Variants in DSCAML1 observed in about 807,000 individuals in gnomAD.
The protein encoded by DSCAML1 is DS cell adhesion molecule like 1, also known as cell adhesion molecule DSCAML1.
DSCAML1 carries 38 observed loss-of-function variants against 200.5 expected under a neutral mutation model. That is an observed-to-expected ratio of 0.19 (90% CI 0.15 to 0.25). The LOEUF is 0.25. DSCAML1 is among the 10% of genes least tolerant of loss of function. The pLI, the probability that DSCAML1 is intolerant of heterozygous loss-of-function variation, is 1.00. For synonymous variants in DSCAML1, 1,215 were observed against 1,165.0 expected (o/e 1.04, Z -0.87); for missense variants, 2,223 against 2,858.8 (o/e 0.78, Z 5.07).
chr11:117,476,940 C>A (rs1046151550), intron 14 of DSCAML1, among the ~76,000 whole-genome samples: 2 of 152,138 alleles, frequency 1.3e-5, no homozygotes, highest in African/African-American at 2.4e-5. Flanking sequence ...AGCAGAGACA[C>A]AGGACAGGAA....
rs112386672 is a variant in DSCAML1 at position 117,571,098 on chromosome 11, C to T, written c.512-38576G>A. On this transcript the variant is annotated intron_variant, in intron 3 of 32. Coordinates refer to ENST00000651296, the MANE Select transcript of DSCAML1 (RefSeq NM_020693.4). ...TGAAACTCAAACCTCATTATGGAGA[C>T]GAGCAGAGCCCTGGTGGGGACGATG... Among the ~76,000 whole-genome samples the T allele has an allele frequency of 2.8e-3, 433 of 152,318 alleles. 2 individuals are homozygous for T. The highest frequency in any genetic ancestry group is 9.6e-3 in the African/African-American group (401 of 41,584).
At chr11:117,734,174 C>T (rs2137824621) in intron 3 of DSCAML1, among the ~76,000 whole-genome samples, 1 of 152,360 alleles carries the variant, frequency 6.6e-6, no homozygotes, top group Admixed American at 6.5e-5. Context: ...TCTTTGGTCA[C>T]TCCTCTTTTC....
intron 14 of DSCAML1, among the ~76,000 whole-genome samples, chr11:117,476,076 T>A (rs1417700112): frequency 1.3e-5 from 2 of 152,206 alleles, no homozygotes; most frequent in African/African-American, 4.8e-5. Flanking sequence ...ATATTCCCTT[T>A]CATATGAGCC....
chr11:117,700,481 A>C (rs1010500686), intron 3 of DSCAML1, among the ~76,000 whole-genome samples: 2 of 152,206 alleles, frequency 1.3e-5, no homozygotes, highest in African/African-American at 4.8e-5. Context: ...AAGCCCAGCC[A>C]GTTCGAACCC....
At chr11:117,678,703 G>T (rs948440744) in intron 3 of DSCAML1, among the ~76,000 whole-genome samples, 4 of 151,960 alleles carry the variant, frequency 2.6e-5, no homozygotes, top group African/African-American at 9.7e-5. Context: ...AAGTTCCAAG[G>T]CCAGGGGCCA....
chr11:117,638,134 A>G (rs1279430544), intron 3 of DSCAML1, among the ~76,000 whole-genome samples: 6 of 152,040 alleles, frequency 3.9e-5, no homozygotes, highest in Non-Finnish European at 5.9e-5. Context: ...CTCCAGGGGG[A>G]GACCTCAAAC....
chr11:117,429,986 C>G (rs1472318714), intron 32 of DSCAML1, among the ~76,000 whole-genome samples: 1 of 152,190 alleles, frequency 6.6e-6, no homozygotes, highest in Non-Finnish European at 1.5e-5. Context: ...TTGTTCCAGG[C>G]TCTTCTTTCC....
intron 3 of DSCAML1, chr11:117,709,861 A>T (rs2053815774): frequency 6.8e-6 from 3 of 442,918 alleles, no homozygotes; most frequent in Non-Finnish European, 1.4e-5. Context: ...CCTGAAGATA[A>T]GACTGGCCAT....
intron 3 of DSCAML1, among the ~76,000 whole-genome samples, chr11:117,609,022 AC>A (rs1565823574): frequency 2.0e-4 from 23 of 113,882 alleles, no homozygotes; most frequent in African/African-American, 7.8e-4. Context: ...AAACAAACAA[AC>A]AAACAAACAA....
At chr11:117,540,194 G>A (rs12270633) in intron 3 of DSCAML1, among the ~76,000 whole-genome samples, 2,609 of 152,280 alleles carry the variant, frequency 0.017, 70 homozygotes, top group African/African-American at 0.058. Context: ...GTACCTGTTC[G>A]TGGCCTGTTA....
chr11:117,577,359 C>G (rs1035545471), intron 3 of DSCAML1, among the ~76,000 whole-genome samples: 9 of 152,148 alleles, frequency 5.9e-5, no homozygotes, highest in African/African-American at 2.2e-4. Context: ...CATTTAGGAA[C>G]TATGTAGCCA....
chr11:117,697,860 C>T (rs1048063638), intron 3 of DSCAML1, among the ~76,000 whole-genome samples: 8 of 151,962 alleles, frequency 5.3e-5, no homozygotes, highest in African/African-American at 1.9e-4. Context: ...CAACCTCCAC[C>T]TCCCAGGTTC....
chr11:117,639,666 G>A (rs1213529063), intron 3 of DSCAML1, among the ~76,000 whole-genome samples: 1 of 152,182 alleles, frequency 6.6e-6, no homozygotes, highest in Non-Finnish European at 1.5e-5. Flanking sequence ...GGAGGATGCA[G>A]ACGGTAGGCT....
intron 14 of DSCAML1, among the ~76,000 whole-genome samples, chr11:117,473,138 C>G (rs888152017): frequency 6.6e-6 from 1 of 152,098 alleles, no homozygotes; most frequent in Non-Finnish European, 1.5e-5. Context: ...CAGTTTAAAT[C>G]CTAAATCAGG....
intron 31 of DSCAML1, 41 bp downstream of exon 31, chr11:117,431,492 TG>T: frequency 5.4e-6 from 8 of 1,484,438 alleles, no homozygotes; most frequent in Admixed American, 2.2e-5. Flanking sequence ...GATGGGGAAC[TG>T]GGGGGAGGTG....
chr11:117,660,506 CAA>C (rs1225329079), intron 3 of DSCAML1, among the ~76,000 whole-genome samples: 1 of 152,110 alleles, frequency 6.6e-6, no homozygotes, highest in Non-Finnish European at 1.5e-5. Flanking sequence ...GCAGCAAGGG[CAA>C]AGTCTTCGTG....
Position 117,736,081 on chromosome 11 carries a change from C to T in DSCAML1, c.511+40710G>A, listed in dbSNP as rs535941398. On this transcript the variant is annotated intron_variant, in intron 3 of 32. Transcript: ENST00000651296. ...TATCTACTGCTGCAAAACAAATCACCCCAAGACTCAGCAGCTTAAAGTGAT... is the reference window on the plus strand; with the variant it reads ...TATCTACTGCTGCAAAACAAATCACTCCAAGACTCAGCAGCTTAAAGTGAT... Among the ~76,000 whole-genome samples the T allele has an allele frequency of 2.6e-4, 39 of 152,290 alleles. No homozygotes were observed. In the South Asian group the frequency reaches 7.7e-3, roughly 30 times the overall value.
upstream of DSCAML1, among the ~76,000 whole-genome samples, chr11:117,800,303 C>T (rs974894389): frequency 2.0e-5 from 3 of 152,196 alleles, no homozygotes; most frequent in African/African-American, 7.2e-5. Flanking sequence ...ACCCCACGCC[C>T]ACCTTAAACC....
At chr11:117,729,382 A>G (rs1258984027) in intron 3 of DSCAML1, among the ~76,000 whole-genome samples, 1 of 152,228 alleles carries the variant, frequency 6.6e-6, no homozygotes, top group Non-Finnish European at 1.5e-5. Flanking sequence ...TTTAGATATG[A>G]TACCAAAGCA....
Sources: allele counts gnomAD v4.1 joint callset (sites outside exome capture counted in the v4.1 genomes callset), GRCh38; gene constraint gnomAD v4.1.1; transcripts MANE v1.5; gene names NCBI Gene and HGNC (gene_info 2026-07-23, HGNC 2026-07-21).